The following AK5 variants were observed in gnomAD, a reference collection of about 807,000 sequenced individuals.
The protein encoded by AK5 is adenylate kinase 5.
A neutral mutation model predicts 69.5 loss-of-function variants in AK5; 27 were observed. The ratio of observed to expected loss-of-function variants is 0.39; its 90% CI spans 0.29 to 0.54. AK5 has a LOEUF of 0.54. Among genes scored for constraint, AK5 ranks in the 20% least tolerant of loss-of-function variants. The probability of loss-of-function intolerance (pLI) is 0.71; values close to 1 mark genes in which losing one functional copy is unlikely to be tolerated. For missense variants in AK5, 531 were observed against 700.4 expected, an observed-to-expected ratio of 0.76 and a Z score of 2.73; for synonymous variants, 260 against 244.4, an observed-to-expected ratio of 1.06 and a Z score of -0.60.
At chr1:77,462,299 G>GAATA (rs765453849) in intron 8 of AK5, among the ~76,000 whole-genome samples, 1,433 of 112,374 alleles carry the variant, frequency 0.013, 31 homozygotes, top group East Asian at 0.12. Flanking sequence ...AATATTTGTT[G>GAATA]GATAGATGGA....
At chr1:77,479,551 C>T (rs1655137322) in intron 8 of AK5, among the ~76,000 whole-genome samples, 1 of 152,214 alleles carries the variant, frequency 6.6e-6, no homozygotes, top group South Asian at 2.1e-4. Flanking sequence ...GCTTCTCCCA[C>T]CTTAACAGTA....
chr1:77,494,162 T>C (rs562769528), intron 10 of AK5, among the ~76,000 whole-genome samples: 1 of 152,374 alleles, frequency 6.6e-6, no homozygotes, highest in African/African-American at 2.4e-5. Flanking sequence ...ATACTCATTG[T>C]GTCCCTACCC....
At chr1:77,392,710 G>A (rs544058398) in intron 6 of AK5, among the ~76,000 whole-genome samples, 1 of 151,408 alleles carries the variant, frequency 6.6e-6, no homozygotes, top group African/African-American at 2.4e-5. Context: ...CCGCTAAGTA[G>A]GTCATGATTT....
chr1:77,479,958 A>C (rs1222831741), intron 8 of AK5, among the ~76,000 whole-genome samples: 1 of 152,220 alleles, frequency 6.6e-6, no homozygotes, highest in African/African-American at 2.4e-5. Context: ...ACGTCTCCTG[A>C]ATAAGCCTAC....
intron 5 of AK5, among the ~76,000 whole-genome samples, chr1:77,338,106 A>C (rs1203727196): frequency 1.3e-5 from 2 of 152,010 alleles, no homozygotes; most frequent in Non-Finnish European, 2.9e-5. Flanking sequence ...CTGGGACTAC[A>C]GGCACACGCC....
chr1:77,464,804 G>A (rs1181068119), intron 8 of AK5, among the ~76,000 whole-genome samples: 1 of 152,168 alleles, frequency 6.6e-6, no homozygotes, highest in Non-Finnish European at 1.5e-5. Flanking sequence ...AGGGATGCTA[G>A]TCAGAGGGCA....
intron 5 of AK5, among the ~76,000 whole-genome samples, chr1:77,305,193 G>C (rs1276095992): frequency 1.3e-5 from 2 of 151,922 alleles, no homozygotes; most frequent in Non-Finnish European, 1.5e-5. Flanking sequence ...TTTTTCTGTA[G>C]AGTTGTTTGC....
At chr1:77,338,201 G>A (rs1322904272) in intron 5 of AK5, among the ~76,000 whole-genome samples, 1 of 152,076 alleles carries the variant, frequency 6.6e-6, no homozygotes, top group Non-Finnish European at 1.5e-5. Context: ...CTGACCTCAT[G>A]ATCTGCCTGC....
intron 6 of AK5, among the ~76,000 whole-genome samples, chr1:77,351,452 G>C (rs952166575): frequency 1.3e-5 from 2 of 152,172 alleles, no homozygotes; most frequent in African/African-American, 2.4e-5. Context: ...TTTATTTGAT[G>C]TGTGTAAAAA....
At chr1:77,552,591 A>C (rs1413464796) in intron 13 of AK5, among the ~76,000 whole-genome samples, 1 of 152,244 alleles carries the variant, frequency 6.6e-6, no homozygotes, top group Non-Finnish European at 1.5e-5. Flanking sequence ...AATAGAGTGC[A>C]TTCAAAGGTT....
chr1:77,381,824 A>G (rs184654977), intron 6 of AK5, among the ~76,000 whole-genome samples: 26 of 152,372 alleles, frequency 1.7e-4, no homozygotes, highest in Admixed American at 1.6e-3. Flanking sequence ...AGTAACTAAC[A>G]TCTTACTAGG....
chr1:77,502,421 T>C (rs948400111), intron 10 of AK5, among the ~76,000 whole-genome samples: 12 of 152,190 alleles, frequency 7.9e-5, no homozygotes, highest in African/African-American at 2.9e-4. Flanking sequence ...TCCACTAACA[T>C]CTCATTGGTC....
chr1:77,480,119 AGT>A (rs10618389), intron 8 of AK5, among the ~76,000 whole-genome samples: 7,220 of 149,764 alleles, frequency 0.048, 290 homozygotes, highest in East Asian at 0.16. Flanking sequence ...ATTCACCCCG[AGT>A]GTGTGTGTGT....
At chr1:77,365,107 C>T (rs2100448050) in intron 6 of AK5, among the ~76,000 whole-genome samples, 1 of 152,094 alleles carries the variant, frequency 6.6e-6, no homozygotes, top group Middle Eastern at 3.4e-3. Context: ...TTTTGCATTT[C>T]CTTGATGATT....
chr1:77,408,602 C>A (rs1028064071), intron 6 of AK5, among the ~76,000 whole-genome samples: 28 of 151,942 alleles, frequency 1.8e-4, no homozygotes, highest in African/African-American at 5.8e-4. Flanking sequence ...TTGGTAGTTT[C>A]TTTTGCTGTG....
chr1:77,309,229 C>A (rs1670618), intron 5 of AK5, among the ~76,000 whole-genome samples: 34 of 151,898 alleles, frequency 2.2e-4, no homozygotes, highest in East Asian at 1.9e-4. Context: ...TGCACGTGTC[C>A]TGGAACTTAA....
At chr1:77,551,836 A>G (rs1659838203) in intron 13 of AK5, among the ~76,000 whole-genome samples, 1 of 152,224 alleles carries the variant, frequency 6.6e-6, no homozygotes, top group Non-Finnish European at 1.5e-5. Context: ...AATAGAGGAT[A>G]CATTCTTTTG....
chr1:77,400,419 C>T (rs1459205309), intron 6 of AK5, among the ~76,000 whole-genome samples: 3 of 151,932 alleles, frequency 2.0e-5, no homozygotes, highest in Non-Finnish European at 4.4e-5. Flanking sequence ...ATATAAAATC[C>T]AAGTGATAAA....
At chr1:77,552,960 A>G (rs551571610) in intron 13 of AK5, among the ~76,000 whole-genome samples, 1 of 152,324 alleles carries the variant, frequency 6.6e-6, no homozygotes. Context: ...GGACTGCTTG[A>G]GCCCAGGAGT....
Sources: allele counts gnomAD v4.1 joint callset (sites outside exome capture counted in the v4.1 genomes callset), GRCh38; gene constraint gnomAD v4.1.1; transcripts MANE v1.5; gene names NCBI Gene and HGNC (gene_info 2026-07-23, HGNC 2026-07-21).